Variants in SHISA9 observed in about 807,000 individuals in gnomAD.
SHISA9 encodes the protein protein shisa-9.
In SHISA9, 13 loss-of-function variants were observed where a neutral mutation model predicts 38.0. The ratio of observed to expected loss-of-function variants is 0.34; its 90% CI spans 0.22 to 0.54. The LOEUF (loss-of-function observed/expected upper bound fraction) is 0.54, where lower values mean the gene tolerates loss of function less well. SHISA9 is among the 20% of genes least tolerant of loss of function. The pLI is 0.91. For synonymous variants in SHISA9, 275 were observed against 242.0 expected (o/e 1.14, Z -1.27); for missense variants, 538 against 575.8 (o/e 0.93, Z 0.67).
At chr16:13,077,586 A>C (rs906775427) in intron 2 of SHISA9, among the ~76,000 whole-genome samples, 2 of 152,158 alleles carry the variant, frequency 1.3e-5, no homozygotes, top group Non-Finnish European at 2.9e-5. Flanking sequence ...GGAAACACCC[A>C]AAAGCCTCTA....
Position 12,931,094 on chromosome 16 carries a change from G to A in SHISA9, c.691+14279G>A, listed in dbSNP as rs574561166. Among the ~76,000 whole-genome samples, 204 of 152,244 alleles carry A rather than the reference G, an allele frequency of 1.3e-3. 3 individuals are homozygous for A. The highest frequency in any genetic ancestry group is 4.8e-3 in the South Asian group (23 of 4,826). ...AAAAGATGCAGTCTCTGGATGTTCC[G>A]TCACGAATGCTGGGAGCATCCCCTG... On this transcript the variant is annotated intron_variant, in intron 2 of 4. Transcript: ENST00000558583.
At chr16:13,343,489 C>T in the SHISA9 span, among the ~76,000 whole-genome samples, 1 of 152,048 alleles carries the variant, frequency 6.6e-6, no homozygotes, top group Admixed American at 6.6e-5. Flanking sequence ...ACACCACATC[C>T]TCAGGACAAT....
At chr16:13,457,454 A>T in the SHISA9 span, among the ~76,000 whole-genome samples, 1 of 152,110 alleles carries the variant, frequency 6.6e-6, no homozygotes, top group Admixed American at 6.5e-5. Context: ...CTGTACAGTC[A>T]TCAGACTCTC....
intron 2 of SHISA9, among the ~76,000 whole-genome samples, chr16:13,190,228 C>T (rs565790946): frequency 6.7e-6 from 1 of 148,274 alleles, no homozygotes; most frequent in South Asian, 2.3e-4. Flanking sequence ...TATCCCTCCC[C>T]CCTCCCCCTA....
chr16:13,120,267 C>G (rs911195029), intron 2 of SHISA9, among the ~76,000 whole-genome samples: 8 of 152,184 alleles, frequency 5.3e-5, no homozygotes, highest in African/African-American at 1.9e-4. Context: ...GATAGTAGTG[C>G]AGTGAAAGCT....
intron 2 of SHISA9, among the ~76,000 whole-genome samples, chr16:13,019,887 CTTT>C (rs1567184095): frequency 0.054 from 690 of 12,756 alleles, 49 homozygotes; most frequent in East Asian, 0.08. Flanking sequence ...TCCCTCCCTT[CTTT>C]CTTTCTTTCT....
At chr16:13,180,602 G>T (rs2050769107) in intron 2 of SHISA9, among the ~76,000 whole-genome samples, 1 of 152,180 alleles carries the variant, frequency 6.6e-6, no homozygotes, top group South Asian at 2.1e-4. Context: ...GGAGGCTGAG[G>T]TGGGAGGATT....
At chr16:13,391,030 T>C in the SHISA9 span, among the ~76,000 whole-genome samples, 6 of 151,798 alleles carry the variant, frequency 4.0e-5, no homozygotes, top group African/African-American at 1.5e-4. Flanking sequence ...GGAGACAACA[T>C]GAGAGAGAAC....
the SHISA9 span, among the ~76,000 whole-genome samples, chr16:13,340,275 G>A: frequency 6.6e-6 from 1 of 152,304 alleles, no homozygotes; most frequent in South Asian, 2.1e-4. Context: ...ATTTGGCCAG[G>A]TGTCTTTCCC....
At chr16:13,491,382 C>CTT in the SHISA9 span, among the ~76,000 whole-genome samples, 158 of 141,764 alleles carry the variant, frequency 1.1e-3, 1 homozygote, top group South Asian at 5.6e-3. Flanking sequence ...TTTTCAGAGC[C>CTT]TTTTTTTTTT....
At chr16:13,071,298 A>G (rs1303417030) in intron 2 of SHISA9, among the ~76,000 whole-genome samples, 3 of 152,188 alleles carry the variant, frequency 2.0e-5, no homozygotes. Flanking sequence ...AGGGATAAGA[A>G]TCAACTAGCA....
chr16:13,014,320 G>A (rs771632531), intron 2 of SHISA9, among the ~76,000 whole-genome samples: 4 of 152,186 alleles, frequency 2.6e-5, no homozygotes, highest in Non-Finnish European at 4.4e-5. Flanking sequence ...ACAGGTTAAC[G>A]TGAGTTATAA....
At chr16:13,377,202 C>T in the SHISA9 span, among the ~76,000 whole-genome samples, 1 of 152,138 alleles carries the variant, frequency 6.6e-6, no homozygotes, top group South Asian at 2.1e-4. Flanking sequence ...CATCATGGAC[C>T]ACAATAGCAG....
intron 2 of SHISA9, among the ~76,000 whole-genome samples, chr16:13,108,319 A>G (rs2073946403): frequency 2.6e-5 from 4 of 152,042 alleles, no homozygotes; most frequent in South Asian, 4.2e-4. Flanking sequence ...TTGTAGAGAT[A>G]GGATCTTGTT....
At chr16:13,415,766 T>C in the SHISA9 span, among the ~76,000 whole-genome samples, 1 of 151,530 alleles carries the variant, frequency 6.6e-6, no homozygotes, top group South Asian at 2.1e-4. Context: ...AATATACAAA[T>C]CTAAAGATTT....
At chr16:12,906,881 T>C (rs751184888) in intron 1 of SHISA9, among the ~76,000 whole-genome samples, 1 of 152,140 alleles carries the variant, frequency 6.6e-6, no homozygotes. Flanking sequence ...CACCCCAGTT[T>C]TGACAGTGAA....
intron 2 of SHISA9, among the ~76,000 whole-genome samples, chr16:13,009,950 G>A (rs1490830528): frequency 6.6e-6 from 1 of 152,180 alleles, no homozygotes; most frequent in East Asian, 1.9e-4. Flanking sequence ...GCTGAGGCAG[G>A]AGGATCATTT....
At chr16:13,295,297 T>A in the SHISA9 span, among the ~76,000 whole-genome samples, 1 of 152,218 alleles carries the variant, frequency 6.6e-6, no homozygotes. Context: ...TTTGGGACCA[T>A]TATCTGACCG....
the SHISA9 span, among the ~76,000 whole-genome samples, chr16:13,373,401 A>G: frequency 6.6e-6 from 1 of 152,174 alleles, no homozygotes; most frequent in Non-Finnish European, 1.5e-5. Context: ...GGGAATCTCC[A>G]CTTGTTAACT....
Sources: gnomAD v4.1 joint callset for allele counts (sites outside exome capture counted in the v4.1 genomes callset) on GRCh38, gnomAD v4.1.1 for gene constraint, MANE v1.5 for transcripts, NCBI Gene and HGNC (gene_info 2026-07-23, HGNC 2026-07-21) for gene names.